Variants in MAGED1 observed in about 807,000 individuals in gnomAD.
The protein encoded by MAGED1 is melanoma-associated antigen D1.
Under a neutral mutation model 54.1 loss-of-function variants are expected in MAGED1, and 3 were observed. The ratio of observed to expected loss-of-function variants is 0.06; its 90% CI spans 0.03 to 0.14. The LOEUF is 0.14. Among genes scored for constraint, MAGED1 ranks in the 10% least tolerant of loss-of-function variants. MAGED1 has a pLI of 1.00. For missense variants in MAGED1, 485 were observed against 623.4 expected (o/e 0.78, Z 2.36); for synonymous variants, 217 against 227.3 (o/e 0.95, Z 0.41).
chrX:51,889,960 A>T (rs1237379855), upstream of MAGED1, among the ~76,000 whole-genome samples: 2 of 112,735 alleles, frequency 1.8e-5, no homozygotes, highest in Non-Finnish European at 1.9e-5. Flanking sequence ...AGCTCTTGGG[A>T]GATAATCTGT....
In MAGED1 at chrX:51,817,344, A is replaced by G. The variant is rs73204554; in HGVS notation, c.-37+14227A>G. ...TGGCTTGTTCTTAAACTTCAAATGA[A>G]TGGCACCTAATGGTGGATTACCATA... On this transcript the variant is annotated intron_variant, in intron 1 of 12. Coordinates refer to the MAGED1 transcript ENST00000375772. Among the ~76,000 whole-genome samples the G allele has an allele frequency of 9.9e-3, 1,106 of 111,869 alleles. 8 individuals are homozygous for G. The highest frequency in any genetic ancestry group is 0.016 in the Non-Finnish European group (856 of 53,107).
At chrX:51,831,109 G>A (rs1352885861) in intron 1 of MAGED1, among the ~76,000 whole-genome samples, 1 of 111,526 alleles carries the variant, frequency 9.0e-6, no homozygotes, top group Non-Finnish European at 1.9e-5. Context: ...CACCTTCCTC[G>A]GCCTTCCAAA....
intron 1 of MAGED1, among the ~76,000 whole-genome samples, chrX:51,886,749 G>C (rs1280390599): frequency 9.0e-6 from 1 of 111,156 alleles, no homozygotes; most frequent in African/African-American, 3.3e-5. Context: ...CAATGAGCAC[G>C]TGGAAATTAA....
chrX:51,871,965 T>C (rs782232697), intron 1 of MAGED1, among the ~76,000 whole-genome samples: 1 of 112,115 alleles, frequency 8.9e-6, no homozygotes, highest in South Asian at 3.8e-4. Flanking sequence ...ATGATTGCCA[T>C]TCTAACTGGT....
At position 51,900,215 on chromosome X, in the gene MAGED1, C is replaced by T; in HGVS notation, c.1878C>T (p.Asn626=). 1.7e-6 allele frequency: 2 copies of T among 1,204,653 alleles called. No individual in the cohort carries two copies. Among genetic ancestry groups the T allele is most frequent in the South Asian group, 3.6e-5 (2 of 55,818 alleles). ...YLDYRRVPNS[N]PPEYEFLWGL... is the part of the protein sequence containing the mutation. ...ACTACAGACGAGTGCCCAACAGCAA[C>T]CCCCCGGAGTATGAGTTCCTCTGGG... Residue 626 remains asparagine (N), a synonymous_variant, in exon 11 of 13, where the codon AAC becomes AAT. Transcript: ENST00000326587.
chrX:51,849,942 C>CT (rs1219259671), intron 1 of MAGED1, among the ~76,000 whole-genome samples: 3 of 109,249 alleles, frequency 2.7e-5, no homozygotes, highest in African/African-American at 6.7e-5. Context: ...GAAATAATCT[C>CT]TTTTTTTTTA....
chrX:51,894,612 T>G, intron 2 of MAGED1: 1 of 1,176,612 alleles, frequency 8.5e-7, no homozygotes. Flanking sequence ...AGGAACCATT[T>G]TTTTTTTTTT....
chrX:51,803,492 C>T (rs1557354731), intron 1 of MAGED1, among the ~76,000 whole-genome samples: 1 of 109,379 alleles, frequency 9.1e-6, no homozygotes, highest in Non-Finnish European at 1.9e-5. Flanking sequence ...ATCCTGTTAA[C>T]CTGCGACTCT....
At chrX:51,858,685 A>G (rs934709815) in intron 1 of MAGED1, among the ~76,000 whole-genome samples, 2 of 111,389 alleles carry the variant, frequency 1.8e-5, no homozygotes, top group African/African-American at 6.5e-5. Flanking sequence ...TTGAGTAGGA[A>G]TGGAGAGGAC....
chrX:51,838,613 C>T (rs1271838279), intron 1 of MAGED1, among the ~76,000 whole-genome samples: 16 of 112,343 alleles, frequency 1.4e-4, no homozygotes, highest in African/African-American at 4.9e-4. Context: ...TTATTAGTAG[C>T]TGCTTTCTTA....
At chrX:51,894,455 G>A (rs12835969) in intron 2 of MAGED1, 106 bp downstream of exon 2, 117,548 of 873,565 alleles carry the variant, frequency 0.13, 5,843 homozygotes, top group Middle Eastern at 0.16. Context: ...ACCCTATTTA[G>A]TGACTAGACT....
intron 1 of MAGED1, among the ~76,000 whole-genome samples, chrX:51,841,965 C>T (rs895458707): frequency 8.9e-6 from 1 of 111,783 alleles, no homozygotes; most frequent in Non-Finnish European, 1.9e-5. Flanking sequence ...TTTTCCAATT[C>T]TGTGAAGAAA....
At position 51,824,862 on chromosome X, in the gene MAGED1, CTGTGTG is replaced by C. The variant is rs58934297; in HGVS notation, c.-37+21779_-37+21784del. On this transcript the variant is annotated intron_variant, in intron 1 of 12. Coordinates refer to the MAGED1 transcript ENST00000375772. ...CACAGACACACACAGTCTCAGAAAC[CTGTGTG>C]TGTGTGTGTGTGTGTGTGTGTGTGT... 2.7e-3 allele frequency among the ~76,000 whole-genome samples: 198 copies of C among 72,643 alleles called. 2 individuals carry two copies. In the East Asian group the frequency reaches 0.061, roughly 22 times the overall value. 63.1% of individuals were successfully genotyped at this position (72,643 alleles called of 115,157 possible). A position where few individuals can be genotyped will look rare whatever the true frequency, so the allele number is the denominator to read the frequency against.
intron 1 of MAGED1, among the ~76,000 whole-genome samples, chrX:51,823,654 G>C (rs1557356735): frequency 9.0e-6 from 1 of 111,599 alleles, no homozygotes; most frequent in African/African-American, 3.2e-5. Context: ...GAATTTACAT[G>C]TGTGTTTTGT....
chrX:51,844,826 G>A (rs1373529218), intron 1 of MAGED1, among the ~76,000 whole-genome samples: 2 of 111,819 alleles, frequency 1.8e-5, no homozygotes, highest in Admixed American at 1.9e-4. Flanking sequence ...ATTTTAGAAG[G>A]TTGTAGCAGC....
intron 1 of MAGED1, among the ~76,000 whole-genome samples, chrX:51,824,194 G>T (rs1403270886): frequency 9.0e-6 from 1 of 111,193 alleles, no homozygotes; most frequent in East Asian, 2.8e-4. Flanking sequence ...TGCTCATAGG[G>T]CATCTGCCAG....
At chrX:51,817,031 A>G (rs782696103) in intron 1 of MAGED1, among the ~76,000 whole-genome samples, 2 of 111,832 alleles carry the variant, frequency 1.8e-5, no homozygotes, top group South Asian at 7.6e-4. Flanking sequence ...CACATTAACT[A>G]TCAGAACTAT....
At chrX:51,822,232 T>C (rs1389429128) in intron 1 of MAGED1, among the ~76,000 whole-genome samples, 4 of 112,098 alleles carry the variant, frequency 3.6e-5, no homozygotes, top group Non-Finnish European at 1.9e-5. Flanking sequence ...TCACTTGTTA[T>C]AGGTTTCTTT....
chrX:51,848,771 C>A (rs894942513), intron 1 of MAGED1, among the ~76,000 whole-genome samples: 2 of 112,184 alleles, frequency 1.8e-5, no homozygotes, highest in African/African-American at 6.5e-5. Context: ...ACAGGACTTT[C>A]CTGAGAATTT....
Sources: gnomAD v4.1 joint callset for allele counts (sites outside exome capture counted in the v4.1 genomes callset) on GRCh38, gnomAD v4.1.1 for gene constraint, MANE v1.5 for transcripts, NCBI Gene and HGNC (gene_info 2026-07-23, HGNC 2026-07-21) for gene names.